The following KMT2C variants were observed in gnomAD, a reference collection of about 807,000 sequenced individuals.
KMT2C encodes lysine methyltransferase 2C.
A neutral mutation model predicts 507.9 loss-of-function variants in KMT2C; 88 were observed. The ratio of observed to expected loss-of-function variants is 0.17; its 90% confidence interval spans 0.15 to 0.21. The LOEUF (loss-of-function observed/expected upper bound fraction) is 0.21, where lower values mean the gene tolerates loss of function less well. Ranked by LOEUF, KMT2C falls within the 10% of genes least tolerant of loss-of-function variation. KMT2C has a pLI of 1.00. For missense variants in KMT2C, 4,954 were observed against 5,957.8 expected (o/e 0.83, Z 5.55); for synonymous variants, 2,049 against 2,080.8 (o/e 0.98, Z 0.42).
chr7:152,311,113 T>C (rs2096667815), intron 5 of KMT2C, among the ~76,000 whole-genome samples: 1 of 152,196 alleles, frequency 6.6e-6, no homozygotes, highest in Non-Finnish European at 1.5e-5. Context: ...AAATATTATA[T>C]ATGTATTTGA....
At chr7:152,171,201 C>A (rs2129108337) in intron 40 of KMT2C, 63 bp downstream of exon 40, 1 of 1,105,120 alleles carries the variant, frequency 9.0e-7, no homozygotes, top group African/African-American at 1.6e-5. Context: ...TACTCTAAAG[C>A]ATGAGTTTGC....
chr7:152,190,596 T>G (rs1267846873), intron 31 of KMT2C, among the ~76,000 whole-genome samples: 1 of 152,178 alleles, frequency 6.6e-6, no homozygotes, highest in African/African-American at 2.4e-5. Context: ...GTGGTCTTTT[T>G]TTTTTCCAAG....
rs752348256 is a variant in KMT2C at position 152,248,591 on chromosome 7, A to T, written c.1843T>A (p.Leu615Met). The T allele has an allele frequency of 6.2e-7, 1 of 1,612,158 alleles. No homozygotes were observed. Among genetic ancestry groups the T allele is most frequent in the East Asian group, 2.2e-5 (1 of 44,852 alleles). ...VSSQHTVNTE[L>M]EKQISNEVDS... ...ACTTCATTAGAAATCTGTTTTTCCA[A>T]TTCAGTATTCACTGTATGTTGGGAT... Residue 615 changes from leucine (L) to methionine (M), a missense_variant, in exon 14 of 59, where the codon TTG becomes ATG. Physicochemically the swap from Leu to Met is conservative, Grantham distance 15. Coordinates refer to ENST00000262189, the MANE Select transcript of KMT2C (RefSeq NM_170606.3).
chr7:152,368,339 A>C (rs1413066755), intron 1 of KMT2C: 3 of 1,192,820 alleles, frequency 2.5e-6, no homozygotes, highest in Non-Finnish European at 3.7e-6. Flanking sequence ...AATAAAGGGC[A>C]GCTGACTAAG....
chr7:152,422,676 C>T (rs1224140070), intron 1 of KMT2C, among the ~76,000 whole-genome samples: 1 of 152,002 alleles, frequency 6.6e-6, no homozygotes, highest in Non-Finnish European at 1.5e-5. Flanking sequence ...TTATTCCCAC[C>T]ATCAGTAACC....
intron 1 of KMT2C, chr7:152,367,334 A>G (rs985461064): frequency 2.3e-6 from 2 of 874,428 alleles, no homozygotes; most frequent in African/African-American, 3.3e-5. Context: ...CCTTCGCAGA[A>G]GCCCTGAAGC....
intron 1 of KMT2C, among the ~76,000 whole-genome samples, chr7:152,398,734 CTTTA>C (rs1457816592): frequency 3.9e-5 from 6 of 152,098 alleles, no homozygotes; most frequent in African/African-American, 1.2e-4. Context: ...CTCCTGTGCT[CTTTA>C]TTTTTACCAG....
chr7:152,300,117 A>G (rs13238744), intron 6 of KMT2C, among the ~76,000 whole-genome samples: 6,687 of 152,304 alleles, frequency 0.044, 227 homozygotes, highest in South Asian at 0.088. Context: ...AATGTTATAT[A>G]CTATACAACA....
intron 1 of KMT2C, among the ~76,000 whole-genome samples, chr7:152,380,670 C>T (rs1475864958): frequency 6.7e-6 from 1 of 149,270 alleles, no homozygotes; most frequent in Non-Finnish European, 1.5e-5. Context: ...CCCAGAAATT[C>T]GAAGCTGCAG....
chr7:152,168,213 A>G (rs1222475457), intron 41 of KMT2C, among the ~76,000 whole-genome samples: 1 of 152,198 alleles, frequency 6.6e-6, no homozygotes. Flanking sequence ...CTACAAGACA[A>G]AGAAATGAAT....
chr7:152,272,054 T>C (rs1466652022), intron 7 of KMT2C, among the ~76,000 whole-genome samples: 1 of 152,146 alleles, frequency 6.6e-6, no homozygotes, highest in Non-Finnish European at 1.5e-5. Flanking sequence ...CATTGCCAAA[T>C]TTCCTTACTT....
At position 152,182,262 on chromosome 7, in the gene KMT2C, A is replaced by G. The variant is rs1345776164; in HGVS notation, c.5598T>C (p.Asp1866=). 6.2e-7 allele frequency: 1 copy of G among 1,614,152 alleles called. No homozygotes were observed. Among genetic ancestry groups the G allele is most frequent in the South Asian group, 1.1e-5 (1 of 91,070 alleles). Residue 1866 remains aspartate, a synonymous_variant, in exon 36 of 59, where the codon GAT becomes GAC. Coordinates refer to ENST00000262189, the MANE Select transcript of KMT2C (RefSeq NM_170606.3). ...GAGAAGTCTGAGCCTGAGAAAGACT[A>G]TCCTGGATGGGAATCCGGGATGGGG... ...PPAPSRIPIQ[D]SLSQAQTSQP...
chr7:152,339,527 T>A (rs2096970689), intron 2 of KMT2C, among the ~76,000 whole-genome samples: 1 of 152,258 alleles, frequency 6.6e-6, no homozygotes, highest in Non-Finnish European at 1.5e-5. Flanking sequence ...TTGGCTTATT[T>A]TTATTTCAAT....
Position 152,355,574 on chromosome 7 carries a change from A to C in KMT2C, c.250+3013T>G, listed in dbSNP as rs143677361. Among the ~76,000 whole-genome samples the C allele has an allele frequency of 7.2e-4, 109 of 151,594 alleles. No individual in the cohort carries two copies. The East Asian group carries it at 0.011, about 15-fold the overall frequency. On this transcript the variant is annotated intron_variant, in intron 2 of 58. Coordinates refer to ENST00000262189, the MANE Select transcript of KMT2C (RefSeq NM_170606.3). The stretch of plus-strand genomic sequence containing the variant: ...ACAAAAAAACAAACAAACAAACAAA[A>C]AAAAACCAAGACAATGCAGTGACCT...
At chr7:152,170,743 T>A (rs185896167) in intron 40 of KMT2C, among the ~76,000 whole-genome samples, 26 of 152,294 alleles carry the variant, frequency 1.7e-4, no homozygotes, top group Admixed American at 1.3e-3. Flanking sequence ...CTTCATAATT[T>A]GCCCATCTCG....
chr7:152,343,450 G>GAAAAAAAAAAAAAAAAAAAAAAGAAA (rs200886066), intron 2 of KMT2C, among the ~76,000 whole-genome samples: 1 of 72,460 alleles, frequency 1.4e-5, no homozygotes, highest in African/African-American at 4.6e-5. Flanking sequence ...AAAAGACTGG[G>GAAAAAAAAAAAAAAAAAAAAAAGAAA]AAAAAAAAAA....
chr7:152,256,927 C>A (rs2095670664), intron 9 of KMT2C, among the ~76,000 whole-genome samples: 1 of 152,052 alleles, frequency 6.6e-6, no homozygotes, highest in East Asian at 1.9e-4. Context: ...TACCATAAGC[C>A]CCAAGAAAGG....
chr7:152,165,705 G>A (rs900810416), intron 42 of KMT2C, among the ~76,000 whole-genome samples: 5 of 152,062 alleles, frequency 3.3e-5, no homozygotes, highest in Non-Finnish European at 7.4e-5. Context: ...TTTTGTTTTT[G>A]AGACAAGAGT....
chr7:152,266,598 C>A (rs369954262), intron 7 of KMT2C, among the ~76,000 whole-genome samples: 3 of 134,494 alleles, frequency 2.2e-5, no homozygotes, highest in Non-Finnish European at 5.0e-5. Flanking sequence ...CTGACTCACA[C>A]GTTCTTTCTT....
Sources: allele counts gnomAD v4.1 joint callset (sites outside exome capture counted in the v4.1 genomes callset), GRCh38; gene constraint gnomAD v4.1.1; transcripts MANE v1.5; gene names NCBI Gene and HGNC (gene_info 2026-07-23, HGNC 2026-07-21).